WNK1: variants seen among roughly 807,000 people sequenced by gnomAD.
WNK1 encodes the protein serine/threonine-protein kinase WNK1.
In WNK1, 38 loss-of-function variants were observed where a neutral mutation model predicts 222.8. The observed-to-expected ratio is 0.17, with a 90% CI of 0.13 to 0.22. The LOEUF is 0.22. WNK1 is among the 10% of genes least tolerant of loss of function. The pLI is 1.00. For missense variants in WNK1, 2,348 were observed against 2,918.4 expected (o/e 0.80, Z 4.50); for synonymous variants, 1,090 against 1,092.9 (o/e 1.00, Z 0.05).
chr12:787,546 A>G (rs1418884145), intron 1 of WNK1, among the ~76,000 whole-genome samples: 1 of 152,190 alleles, frequency 6.6e-6, no homozygotes, highest in Admixed American at 6.5e-5. Context: ...GCTTGAAACT[A>G]CATTATTAGC....
chr12:900,914 TATA>T, intron 26 of WNK1: 1 of 557,702 alleles, frequency 1.8e-6, no homozygotes, highest in Non-Finnish European at 3.2e-6. Flanking sequence ...CTGTGTGGCC[TATA>T]TGACTTGCTC....
rs1956050681 is a variant in WNK1, at chr12:911,103, A to G, written c.*2311A>G. On this transcript the variant is annotated 3_prime_UTR_variant, in exon 28 of 28. Transcript: ENST00000315939. ...AAAAAAGTCAGAACTGGTGTTATTTACTGTTGATTTCATCCTCCTGTGTAT... is the reference window on the plus strand; with the variant it reads ...AAAAAAGTCAGAACTGGTGTTATTTGCTGTTGATTTCATCCTCCTGTGTAT... 2 of 393,912 alleles carry G rather than the reference A, an allele frequency of 5.1e-6. No homozygotes were observed. The highest frequency in any genetic ancestry group is 8.9e-6 in the Non-Finnish European group (2 of 223,870). The allele number at this position is 393,912 out of a possible 1,614,324, so 24.4% of individuals were successfully genotyped here.
At chr12:863,390 A>G (rs1306723619) in intron 8 of WNK1, among the ~76,000 whole-genome samples, 1 of 152,134 alleles carries the variant, frequency 6.6e-6, no homozygotes, top group Non-Finnish European at 1.5e-5. Context: ...AAAACAATCT[A>G]CTTTCTGTCT....
chr12:890,572 CAGG>C, intron 22 of WNK1, 59 bp downstream of exon 22: 1 of 1,584,876 alleles, frequency 6.3e-7, no homozygotes, highest in Non-Finnish European at 8.7e-7. Flanking sequence ...GTAGTTGATT[CAGG>C]AGGTTTACCG....
intron 8 of WNK1, among the ~76,000 whole-genome samples, chr12:866,349 C>G (rs1301333857): frequency 6.6e-6 from 1 of 152,108 alleles, no homozygotes; most frequent in African/African-American, 2.4e-5. Context: ...ATAGTGAATT[C>G]TTACTATTAT....
intron 1 of WNK1, among the ~76,000 whole-genome samples, chr12:763,439 A>C (rs1044230066): frequency 1.4e-5 from 2 of 146,580 alleles, no homozygotes; most frequent in African/African-American, 2.4e-5. Context: ...CAAAAAAAAA[A>C]CTAGCCGGGT....
At position 900,056 on chromosome 12, in the gene WNK1, G is replaced by A. The variant is rs1262904455; in HGVS notation, c.6449-420G>A. Among the ~76,000 whole-genome samples the A allele has an allele frequency of 3.1e-5, 4 of 131,126 alleles. No individual in the cohort carries two copies. The Admixed American group carries it at 3.6e-4, about 12-fold the overall frequency. 86.0% of individuals were successfully genotyped at this position (131,126 alleles called of 152,430 possible). On this transcript the variant is annotated intron_variant, in intron 25 of 27. Coordinates refer to ENST00000315939, the MANE Select transcript of WNK1 (RefSeq NM_018979.4). ...TTTTTGAGTGCAGTGGCATGATGTC[G>A]GCTCACTGCAGCCTCTGCCTCTGGG...
At position 878,811 on chromosome 12, in the gene WNK1, A is replaced by G. The variant is rs572884442; in HGVS notation, c.2373+450A>G. 3.8e-5 allele frequency among the ~76,000 whole-genome samples: 5 copies of G among 129,944 alleles called. 1 individual carries two copies. In the South Asian group the frequency reaches 1.3e-3, roughly 33 times the overall value. 85.2% of individuals were successfully genotyped at this position (129,944 alleles called of 152,430 possible). ...TTTTTTTTTCTTAAGTAGTCCTCCT[A>G]ATCACTTGAGAAGTACCCTGTAGAA... On this transcript the variant is annotated intron_variant, in intron 10 of 27. Transcript: ENST00000315939.
chr12:868,252 C>G (rs1565548232), intron 8 of WNK1: 4 of 1,601,710 alleles, frequency 2.5e-6, no homozygotes, highest in Non-Finnish European at 3.4e-6. Context: ...AAGAAGCTCA[C>G]TATTTTATTC....
intron 1 of WNK1, among the ~76,000 whole-genome samples, chr12:785,083 C>T (rs890917009): frequency 6.6e-6 from 1 of 152,106 alleles, no homozygotes; most frequent in Non-Finnish European, 1.5e-5. Flanking sequence ...TTTCTTCTAG[C>T]TTCCAGTATT....
intron 1 of WNK1, among the ~76,000 whole-genome samples, chr12:762,054 T>G (rs1941093139): frequency 2.7e-5 from 3 of 111,808 alleles, no homozygotes; most frequent in Non-Finnish European, 5.9e-5. Context: ...AGTTTATTTT[T>G]TAATTTAATT....
Position 909,356 on chromosome 12 carries a change from A to G in WNK1, c.*564A>G, listed in dbSNP as rs2154105023. On this transcript the variant is annotated 3_prime_UTR_variant, in exon 28 of 28. Coordinates refer to ENST00000315939, the MANE Select transcript of WNK1 (RefSeq NM_018979.4). ...CAACTCTTTCTTATGATAGGTCATT[A>G]GTGCTTTAAGCAAAAGATATTAGCA... 1 of 153,798 alleles carries G rather than the reference A, an allele frequency of 6.5e-6. No homozygotes were observed. Among genetic ancestry groups the G allele is most frequent in the African/African-American group, 2.4e-5 (1 of 41,502 alleles). The allele number at this position is 153,798 out of a possible 1,614,324, so 9.5% of individuals were successfully genotyped here. A position where few individuals can be genotyped will look rare whatever the true frequency, so the allele number is the denominator to read the frequency against.
At chr12:823,494 A>G (rs952788008) in intron 2 of WNK1, among the ~76,000 whole-genome samples, 6 of 151,748 alleles carry the variant, frequency 4.0e-5, no homozygotes, top group South Asian at 4.2e-4. Flanking sequence ...TTCACTTCCT[A>G]TTTTCAAGTT....
Position 908,861 on chromosome 12 carries a change from G to GGGGGGGGGGGGGGGGGGGGCCCC in WNK1, c.*69_*70insGGGGGGGGGGGGGGGGGGGCCCC. 2 of 491,846 alleles carry GGGGGGGGGGGGGGGGGGGGCCCC rather than the reference G, an allele frequency of 4.1e-6. No homozygotes were observed. Among genetic ancestry groups the GGGGGGGGGGGGGGGGGGGGCCCC allele is most frequent in the South Asian group, 1.5e-5 (1 of 66,948 alleles). 30.5% of individuals were successfully genotyped at this position (491,846 alleles called of 1,614,324 possible). ...ATGCTGAGGGGGTGGGTGGGGGTGGGAAGTAGCCTATATACTAACTACTAG... is the reference window on the plus strand; with the variant it reads ...ATGCTGAGGGGGTGGGTGGGGGTGGGGGGGGGGGGGGGGGGGGGGCCCCAAGTAGCCTATATACTAACTACTAG... On this transcript the variant is annotated 3_prime_UTR_variant, in exon 28 of 28. Transcript: ENST00000315939.
Position 879,810 on chromosome 12 carries a change from C to G in WNK1, c.2611C>G (p.Gln871Glu), listed in dbSNP as rs768361823. The G allele has an allele frequency of 7.4e-6, 12 of 1,614,156 alleles. No homozygotes were observed. Among genetic ancestry groups the G allele is most frequent in the Non-Finnish European group, 1.0e-5 (12 of 1,180,026 alleles). Reference sequence around the variant, plus strand: ...CATCACAATGGCAGCTGGCATTACTCAGCCTCTGCTCACGTTGGCTTCATC... The same window carrying G: ...CATCACAATGGCAGCTGGCATTACTGAGCCTCTGCTCACGTTGGCTTCATC... ...LPITMAAGIT[Q>E]PLLTLASSAT... The change falls in exon 11 of 28, where the codon CAG (glutamine) becomes GAG (glutamate). Residue 871 changes from glutamine to glutamate, a missense_variant. By Grantham distance (29) the Gln-to-Glu change is conservative. Around this residue, in one of 13 missense-constraint regions of WNK1, gnomAD observed 547 missense variants for 558.3 expected, o/e 0.98. Transcript: ENST00000315939.
chr12:780,702 G>A (rs527908028), intron 1 of WNK1, among the ~76,000 whole-genome samples: 14 of 152,298 alleles, frequency 9.2e-5, no homozygotes, highest in African/African-American at 3.4e-4. Flanking sequence ...AAGTATCTTT[G>A]TGGAGCTTAT....
At chr12:878,783 A>G (rs1245860442) in intron 10 of WNK1, among the ~76,000 whole-genome samples, 1 of 120,608 alleles carries the variant, frequency 8.3e-6, no homozygotes, top group East Asian at 2.7e-4. Context: ...ACTGTGTGGA[A>G]TGTTTTTTTT....
intron 9 of WNK1, among the ~76,000 whole-genome samples, chr12:873,246 A>G (rs1053757893): frequency 2.6e-5 from 4 of 152,200 alleles, no homozygotes; most frequent in African/African-American, 4.8e-5. Flanking sequence ...ATATGTATGT[A>G]TACTTACTAT....
Position 756,223 on chromosome 12 carries a change from A to G in WNK1, c.759+1899A>G, listed in dbSNP as rs150206384. Among the ~76,000 whole-genome samples the G allele has an allele frequency of 1.1e-4, 16 of 152,210 alleles. No homozygotes were observed. In the East Asian group the frequency reaches 3.1e-3, roughly 29 times the overall value. The stretch of plus-strand genomic sequence containing the variant: ...TTACTTGTTGAGCACTTTATGAATT[A>G]ATTTTGTTAGTTTTAATTATTTCAC... On this transcript the variant is annotated intron_variant, in intron 1 of 27. Transcript: ENST00000315939.
Sources: gnomAD v4.1 joint callset for allele counts (sites outside exome capture counted in the v4.1 genomes callset) on GRCh38, gnomAD v4.1.1 for gene constraint, gnomAD v4.1.1 regional missense constraint, MANE v1.5 for transcripts, NCBI Gene and HGNC (gene_info 2026-07-23, HGNC 2026-07-21) for gene names.